Variants in POGZ observed in about 807,000 individuals in gnomAD.
POGZ encodes pogo transposable element with ZNF domain.
A neutral mutation model predicts 134.6 loss-of-function variants in POGZ; 17 were observed. The observed-to-expected ratio is 0.13, with a 90% CI of 0.09 to 0.19. The LOEUF (loss-of-function observed/expected upper bound fraction) is 0.19, where lower values mean the gene tolerates loss of function less well. Among genes scored for constraint, POGZ ranks in the 10% least tolerant of loss-of-function variants. The pLI is 1.00. For synonymous variants in POGZ, 693 were observed against 657.1 expected (o/e 1.05, Z -0.84); for missense variants, 1,306 against 1,769.7 (o/e 0.74, Z 4.70).
At chr1:151,438,931 C>T (rs1660075432) in intron 3 of POGZ, 1 of 151,904 alleles carries the variant, frequency 6.6e-6, no homozygotes, top group African/African-American at 2.4e-5. Context: ...GCCTTGGAAC[C>T]CTGGGATCAA....
chr1:151,441,790 G>A (rs1660577032), intron 2 of POGZ, among the ~76,000 whole-genome samples: 1 of 152,126 alleles, frequency 6.6e-6, no homozygotes, highest in African/African-American at 2.4e-5. Flanking sequence ...CCACCACTTT[G>A]AATTCTTGTT....
At chr1:151,424,932 G>T in intron 8 of POGZ, 23 bp downstream of exon 8, 1 of 1,268,508 alleles carries the variant, frequency 7.9e-7, no homozygotes, top group Non-Finnish European at 1.1e-6. Context: ...CACTTAAGCT[G>T]GATCACAGGT....
At chr1:151,406,690 A>C (rs1653710134) in intron 17 of POGZ, 59 bp from the exon 18 acceptor site, 1 of 1,434,086 alleles carries the variant, frequency 7.0e-7, no homozygotes, top group Non-Finnish European at 9.7e-7. Context: ...CCCTCCAAAG[A>C]CAGTGCCCTG....
chr1:151,446,814 T>C (rs1661344644), intron 1 of POGZ, among the ~76,000 whole-genome samples: 1 of 140,376 alleles, frequency 7.1e-6, no homozygotes, highest in South Asian at 2.3e-4. Flanking sequence ...TTGGGAATCA[T>C]ACTGCAACAA....
In POGZ at chr1:151,406,929, T is replaced by C. The variant is rs1235171739; in HGVS notation, c.2527A>G (p.Ser843Gly). 7 of 1,613,694 alleles carry C rather than the reference T, an allele frequency of 4.3e-6. No individual in the cohort carries two copies. The highest frequency in any genetic ancestry group is 5.9e-6 in the Non-Finnish European group (7 of 1,179,578). Residue 843 changes from serine to glycine, a missense_variant, in exon 17 of 19, where the codon AGC (serine) becomes GGC (glycine). Around this residue, in one of 10 missense-constraint regions of POGZ, gnomAD observed 214 missense variants for 255.5 expected, o/e 0.84. Coordinates refer to ENST00000271715, the MANE Select transcript of POGZ (RefSeq NM_015100.4). The part of the protein sequence containing the change: ...HLVFNPSHRS[S>G]SILPRGLTWI... ...TACTTACCCCGTGGCAGGATGCTGCTGGATCTGTGAGAGGGGTTGAATACC... is the reference window on the plus strand; with the variant it reads ...TACTTACCCCGTGGCAGGATGCTGCCGGATCTGTGAGAGGGGTTGAATACC...
intron 3 of POGZ, among the ~76,000 whole-genome samples, chr1:151,433,869 A>T (rs974057579): frequency 1.3e-5 from 2 of 150,152 alleles, no homozygotes; most frequent in Admixed American, 6.7e-5. Flanking sequence ...CTGGTGCTTT[A>T]AAAAAAAAGC....
rs985292500 is a variant in POGZ, at chr1:151,459,452, C to T, written c.-302G>A. ...CGGGAGCTGGCGCGGGGGAGAGAGA[C>T]GCCGACTCCCCCCACCGACCCTCTC... On this transcript the variant is annotated 5_prime_UTR_variant, in exon 1 of 19. Transcript: ENST00000271715. 1 of 151,994 alleles carries T rather than the reference C, an allele frequency of 6.6e-6. No homozygotes were observed. Among genetic ancestry groups the T allele is most frequent in the African/African-American group, 2.4e-5 (1 of 41,370 alleles). 9.4% of individuals were successfully genotyped at this position (151,994 alleles called of 1,614,324 possible).
chr1:151,455,747 G>GT (rs1178562663), intron 1 of POGZ, among the ~76,000 whole-genome samples: 4 of 152,276 alleles, frequency 2.6e-5, no homozygotes, highest in Non-Finnish European at 4.4e-5. Flanking sequence ...GATTCTCACA[G>GT]TTACTTCTGC....
chr1:151,455,528 G>A (rs1571605170), intron 1 of POGZ, among the ~76,000 whole-genome samples: 1 of 152,156 alleles, frequency 6.6e-6, no homozygotes, highest in Non-Finnish European at 1.5e-5. Context: ...AGACGCCAAA[G>A]ATCTTTTGTT....
chr1:151,432,972 C>T (rs1658944892), intron 3 of POGZ, among the ~76,000 whole-genome samples: 1 of 152,106 alleles, frequency 6.6e-6, no homozygotes, highest in Admixed American at 6.5e-5. Context: ...TCTTTCTATC[C>T]TTTTGAAATT....
intron 1 of POGZ, among the ~76,000 whole-genome samples, chr1:151,449,891 A>C (rs1477237774): frequency 6.6e-6 from 1 of 152,124 alleles, no homozygotes; most frequent in African/African-American, 2.4e-5. Context: ...CGTCTCAAAA[A>C]CTCTGCAAGA....
At chr1:151,421,242 A>G (rs573098846) in intron 10 of POGZ, among the ~76,000 whole-genome samples, 1 of 152,182 alleles carries the variant, frequency 6.6e-6, no homozygotes, top group South Asian at 2.1e-4. Flanking sequence ...TTACTCATGA[A>G]GCTTGCATAT....
intron 1 of POGZ, among the ~76,000 whole-genome samples, chr1:151,452,415 A>G (rs1662232801): frequency 1.3e-5 from 2 of 151,930 alleles, no homozygotes; most frequent in East Asian, 1.9e-4. Flanking sequence ...CAGTGGCACA[A>G]TCACGGCTTA....
chr1:151,446,331 A>G (rs1253116022), intron 1 of POGZ, among the ~76,000 whole-genome samples: 1 of 151,440 alleles, frequency 6.6e-6, no homozygotes, highest in African/African-American at 2.4e-5. Context: ...TACTTATCAC[A>G]CTAAAAAAAT....
In POGZ at chr1:151,409,988, A is replaced by G. The variant is rs1253713658; in HGVS notation, c.1927-1160T>C. 2.6e-5 allele frequency among the ~76,000 whole-genome samples: 4 copies of G among 152,220 alleles called. No homozygotes were observed. The East Asian group carries it at 7.7e-4, about 29-fold the overall frequency. ...TTTGGAAATACAGTTGTGGTAGACAATCAGCAGTCACTACTGTGCAAAGGA... is the reference window on the plus strand; with the variant it reads ...TTTGGAAATACAGTTGTGGTAGACAGTCAGCAGTCACTACTGTGCAAAGGA... On this transcript the variant is annotated intron_variant, in intron 12 of 18. Transcript: ENST00000271715.
In POGZ at chr1:151,411,709, C is replaced by G. The variant is rs1654706460; in HGVS notation, c.1842G>C (p.Glu614Asp). Residue 614 changes from glutamate to aspartate, a missense_variant, in exon 12 of 19, where the codon GAG (glutamate) becomes GAC (aspartate). By Grantham distance (45) the Glu-to-Asp change is conservative (BLOSUM62 2). Around this residue, in one of 10 missense-constraint regions of POGZ, gnomAD observed 149 missense variants for 237.5 expected, o/e 0.63. Transcript: ENST00000271715. ...EVDVHFRMIHEDTRHLLCPYC... is the reference protein window; with the variant it reads ...EVDVHFRMIHDDTRHLLCPYC... ...AAGGGCAGAGCAGATGCCGGGTATC[C>G]TCATGGATCATCCGAAAATGGACAT... 2 of 1,613,412 alleles carry G rather than the reference C, an allele frequency of 1.2e-6. No individual in the cohort carries two copies. The highest frequency in any genetic ancestry group is 1.7e-5 in the Admixed American group (1 of 59,952).
chr1:151,433,190 T>C (rs993823197), intron 3 of POGZ, among the ~76,000 whole-genome samples: 1 of 152,182 alleles, frequency 6.6e-6, no homozygotes, highest in Non-Finnish European at 1.5e-5. Context: ...TTAGCAAGTC[T>C]CTTAAAGACA....
intron 2 of POGZ, among the ~76,000 whole-genome samples, chr1:151,441,876 A>G (rs896446392): frequency 6.6e-6 from 1 of 152,178 alleles, no homozygotes; most frequent in African/African-American, 2.4e-5. Context: ...GTTTTCGATG[A>G]ATTAAATATA....
chr1:151,441,987 T>G lies in POGZ; in HGVS notation c.124+94A>C, dbSNP rs572299442. 7.9e-6 allele frequency: 7 copies of G among 883,186 alleles called. No individual in the cohort carries two copies. The African/African-American group carries it at 1.2e-4, about 15-fold the overall frequency. 54.7% of individuals were successfully genotyped at this position (883,186 alleles called of 1,614,324 possible). On this transcript the variant is annotated intron_variant, in intron 2 of 18. Coordinates refer to ENST00000271715, the MANE Select transcript of POGZ (RefSeq NM_015100.4). ...GTGCCACAACGAGGTCTCCCTGGATTCTTCAAGTCCTTTTCCATCTCACAC... is the reference window on the plus strand; with the variant it reads ...GTGCCACAACGAGGTCTCCCTGGATGCTTCAAGTCCTTTTCCATCTCACAC...
Sources: gnomAD v4.1 joint callset for allele counts (sites outside exome capture counted in the v4.1 genomes callset) on GRCh38, gnomAD v4.1.1 for gene constraint, gnomAD v4.1.1 regional missense constraint, MANE v1.5 for transcripts, NCBI Gene and HGNC (gene_info 2026-07-23, HGNC 2026-07-21) for gene names.